Variants in ANKRD11 observed in about 807,000 individuals in gnomAD.
The protein encoded by ANKRD11 is ankyrin repeat domain 11, also known as ankyrin repeat domain-containing protein 11.
Under a neutral mutation model 195.7 loss-of-function variants are expected in ANKRD11, and 17 were observed. The ratio of observed to expected loss-of-function variants is 0.09; its 90% confidence interval spans 0.06 to 0.13. The LOEUF (loss-of-function observed/expected upper bound fraction) is 0.13, where lower values mean the gene tolerates loss of function less well. ANKRD11 is among the 10% of genes least tolerant of loss of function. The pLI is 1.00. For synonymous variants in ANKRD11, 1,953 were observed against 1,528.1 expected (o/e 1.28, Z -6.49); for missense variants, 3,735 against 3,566.1 (o/e 1.05, Z -1.21).
rs1473593590 is a variant in ANKRD11 at position 89,284,095 on chromosome 16, T to C, written c.2447A>G (p.Glu816Gly). The change falls in exon 9 of 13, where the codon GAA (glutamate) becomes GGA (glycine). Residue 816 changes from glutamate (E) to glycine (G), a missense_variant. Physicochemically the swap from Glu to Gly is moderately conservative, Grantham distance 98. Transcript: ENST00000301030. ...KVYREDSAFDEYCNKNQFLEN... is the reference protein window; with the variant it reads ...KVYREDSAFDGYCNKNQFLEN... ...CAGAAACTGATTTTTGTTACAATAT[T>C]CGTCAAAAGCAGAATCTTCCCTATA... 6.2e-7 allele frequency: 1 copy of C among 1,613,898 alleles called. No homozygotes were observed. Among genetic ancestry groups the C allele is most frequent in the African/African-American group, 1.3e-5 (1 of 74,950 alleles).
intron 1 of ANKRD11, among the ~76,000 whole-genome samples, chr16:89,468,549 A>G (rs1223707292): frequency 2.0e-5 from 3 of 152,176 alleles, no homozygotes; most frequent in Admixed American, 6.5e-5. Flanking sequence ...TACTAAAAAT[A>G]CAAAAATTAG....
intron 2 of ANKRD11, among the ~76,000 whole-genome samples, chr16:89,377,993 C>T (rs560152909): frequency 1.3e-5 from 2 of 152,132 alleles, no homozygotes; most frequent in African/African-American, 4.8e-5. Flanking sequence ...TTATGATTTT[C>T]TTAACAACAC....
At chr16:89,304,078 T>C (rs565977060) in intron 4 of ANKRD11, among the ~76,000 whole-genome samples, 3 of 152,204 alleles carry the variant, frequency 2.0e-5, no homozygotes, top group African/African-American at 4.8e-5. Context: ...AGCAGGGCTG[T>C]AGAGAAGCTG....
At chr16:89,447,880 C>T (rs2043873571) in intron 1 of ANKRD11, among the ~76,000 whole-genome samples, 1 of 150,748 alleles carries the variant, frequency 6.6e-6, no homozygotes, top group Admixed American at 6.6e-5. Flanking sequence ...TCTCAGCTCA[C>T]TGCAACCTCC....
chr16:89,271,168 G>A (rs1419611010), intron 11 of ANKRD11: 1 of 527,326 alleles, frequency 1.9e-6, no homozygotes, highest in African/African-American at 1.9e-5. Context: ...GGCCCCACCT[G>A]TGAGCCGGTC....
chr16:89,484,949 C>G (rs1044815877), intron 1 of ANKRD11, among the ~76,000 whole-genome samples: 1 of 152,170 alleles, frequency 6.6e-6, no homozygotes, highest in Non-Finnish European at 1.5e-5. Context: ...AGGTCTCACC[C>G]TCCACCAGCC....
At chr16:89,446,274 T>C (rs777108144) in intron 1 of ANKRD11, among the ~76,000 whole-genome samples, 39 of 152,146 alleles carry the variant, frequency 2.6e-4, no homozygotes, top group Non-Finnish European at 5.4e-4. Flanking sequence ...GATGAGGTTC[T>C]CCTAAAGCTT....
Position 89,283,475 on chromosome 16 carries a change from T to C in ANKRD11, c.3067A>G (p.Thr1023Ala). 1.2e-6 allele frequency: 2 copies of C among 1,614,202 alleles called. No individual in the cohort carries two copies. Among genetic ancestry groups the C allele is most frequent in the South Asian group, 1.1e-5 (1 of 91,090 alleles). The change falls in exon 9 of 13, where the codon ACA becomes GCA. Residue 1023 changes from threonine (T) to alanine (A), a missense_variant. Coordinates refer to ENST00000301030, the MANE Select transcript of ANKRD11 (RefSeq NM_013275.6). This position sits in a 1 kb window ranked among gnomAD's most constrained non-coding sequence, Gnocchi z 4.3. ...DGPDKERKEKTKPERYKEKSS... is the reference protein window; with the variant it reads ...DGPDKERKEKAKPERYKEKSS... ...TTCTCTTTGTATCTTTCTGGTTTTG[T>C]CTTCTCCTTCCTTTCCTTATCGGGG...
chr16:89,355,265 C>T (rs910730610), intron 2 of ANKRD11, among the ~76,000 whole-genome samples: 120 of 150,302 alleles, frequency 8.0e-4, no homozygotes, highest in African/African-American at 2.8e-3. Flanking sequence ...GCTCGGAAGG[C>T]GGGCAGAGGG....
intron 2 of ANKRD11, among the ~76,000 whole-genome samples, chr16:89,387,505 T>C (rs908267878): frequency 4.0e-5 from 6 of 151,198 alleles, no homozygotes; most frequent in Non-Finnish European, 8.8e-5. Context: ...ACCCCATCTC[T>C]ACTAAAAATA....
intron 7 of ANKRD11, chr16:89,288,130 C>G (rs1008915257): frequency 6.7e-6 from 4 of 601,306 alleles, no homozygotes; most frequent in African/African-American, 1.9e-5. Flanking sequence ...ACTGGCCACA[C>G]CTCTTGGTGT....
intron 2 of ANKRD11, among the ~76,000 whole-genome samples, chr16:89,363,801 G>A (rs1329677201): frequency 6.6e-6 from 1 of 152,106 alleles, no homozygotes; most frequent in African/African-American, 2.4e-5. Context: ...CATGCCTGGA[G>A]CACAGCACTT....
chr16:89,332,884 C>T (rs1302343050), intron 2 of ANKRD11, among the ~76,000 whole-genome samples: 1 of 152,212 alleles, frequency 6.6e-6, no homozygotes, highest in African/African-American at 2.4e-5. Flanking sequence ...CTTAGGGCTG[C>T]TTTGTTTTTT....
rs75362060 is a variant in ANKRD11 at position 89,281,204 on chromosome 16, C to T, written c.5338G>A (p.Ala1780Thr). ...TAAAGGTTTGTGGAGAGAGGCCTGGCAGGAGCCTGGCTGGCGTTTTCCGAA... is the reference window on the plus strand; with the variant it reads ...TAAAGGTTTGTGGAGAGAGGCCTGGTAGGAGCCTGGCTGGCGTTTTCCGAA... ...GLSENASQAP[A>T]RPLSTNLYRS... Residue 1780 changes from alanine to threonine, a missense_variant, in exon 9 of 13, where the codon GCC becomes ACC. Transcript: ENST00000301030. The surrounding 1 kb of genome is among the most constrained non-coding windows in gnomAD (Gnocchi z 5.5). 8,871 of 1,614,182 alleles carry T rather than the reference C, an allele frequency of 5.5e-3. 35 individuals carry two copies. Among genetic ancestry groups the T allele is most frequent in the Middle Eastern group, 0.013 (78 of 6,062 alleles).
In ANKRD11 at chr16:89,398,070, G is replaced by A. The variant is rs114577502; in HGVS notation, c.-60+20214C>T. 5.7e-3 allele frequency among the ~76,000 whole-genome samples: 852 copies of A among 150,474 alleles called. 5 individuals carry two copies. The highest frequency in any genetic ancestry group is 0.02 in the African/African-American group (804 of 39,808). On this transcript the variant is annotated intron_variant, in intron 2 of 12. Coordinates refer to ENST00000301030, the MANE Select transcript of ANKRD11 (RefSeq NM_013275.6). ...AATTGTGTTTGGAGAATCTGGTGAC[G>A]CTGTGAAACAGCTGAAGATTACCTG...
intron 2 of ANKRD11, among the ~76,000 whole-genome samples, chr16:89,327,455 G>T (rs892872869): frequency 1.3e-5 from 2 of 152,144 alleles, no homozygotes; most frequent in African/African-American, 2.4e-5. Flanking sequence ...TGGTGTAAGT[G>T]TCCATGTCGA....
intron 1 of ANKRD11, among the ~76,000 whole-genome samples, chr16:89,483,328 T>G (rs1386458018): frequency 6.6e-6 from 1 of 152,196 alleles, no homozygotes. Flanking sequence ...AAGCCAGTCA[T>G]CTGGTGAGAA....
intron 2 of ANKRD11, among the ~76,000 whole-genome samples, chr16:89,381,365 G>C (rs1392381999): frequency 1.4e-5 from 2 of 145,966 alleles, no homozygotes; most frequent in East Asian, 3.9e-4. Flanking sequence ...GGGGTGAGAA[G>C]GGCAAGCAAG....
At chr16:89,426,421 C>T (rs1453139907) in intron 1 of ANKRD11, among the ~76,000 whole-genome samples, 2 of 152,006 alleles carry the variant, frequency 1.3e-5, no homozygotes, top group African/African-American at 2.4e-5. Flanking sequence ...CCCCAACCAG[C>T]GCCGGCCGAG....
Sources: gnomAD v4.1 joint callset for allele counts (sites outside exome capture counted in the v4.1 genomes callset) on GRCh38, gnomAD v4.1.1 for gene constraint, Gnocchi (gnomAD v3.1) non-coding constraint, MANE v1.5 for transcripts, NCBI Gene and HGNC (gene_info 2026-07-23, HGNC 2026-07-21) for gene names.